Variants in TET3 observed in about 807,000 individuals in gnomAD.
TET3 encodes the protein methylcytosine dioxygenase TET3.
Under a neutral mutation model 141.4 loss-of-function variants are expected in TET3, and 19 were observed. The observed-to-expected ratio is 0.13, with a 90% CI of 0.09 to 0.20. The LOEUF is 0.20. Among genes scored for constraint, TET3 ranks in the 10% least tolerant of loss-of-function variants. TET3 has a pLI of 1.00. For missense variants in TET3, 1,874 were observed against 2,356.9 expected (o/e 0.80, Z 4.24); for synonymous variants, 1,043 against 980.9 (o/e 1.06, Z -1.18).
chr2:74,072,408 A>C (rs1440049260), intron 4 of TET3, among the ~76,000 whole-genome samples: 5 of 151,918 alleles, frequency 3.3e-5, no homozygotes, highest in Non-Finnish European at 7.4e-5. Context: ...GCTACTTGGG[A>C]GGCTGAGGCA....
At chr2:74,080,270 T>C (rs1573872752) in intron 5 of TET3, among the ~76,000 whole-genome samples, 1 of 152,214 alleles carries the variant, frequency 6.6e-6, no homozygotes, top group East Asian at 1.9e-4. Flanking sequence ...GGGGGCCCGA[T>C]GGGCGGGAGC....
At chr2:74,112,853 T>C (rs1032019917), downstream of TET3, among the ~76,000 whole-genome samples, 9 of 150,958 alleles carry the variant, frequency 6.0e-5, no homozygotes, top group Admixed American at 1.3e-4. Flanking sequence ...ATACAAAAAT[T>C]AGCTGGGCAA....
intron 5 of TET3, among the ~76,000 whole-genome samples, chr2:74,080,161 C>T (rs1392406849): frequency 6.6e-6 from 1 of 152,192 alleles, no homozygotes; most frequent in Non-Finnish European, 1.5e-5. Flanking sequence ...GGGCTGGATA[C>T]AAATGCCCAT....
At chr2:74,118,865 G>GATATATTATCT in the TET3 span, among the ~76,000 whole-genome samples, 1 of 152,146 alleles carries the variant, frequency 6.6e-6, no homozygotes, top group Non-Finnish European at 1.5e-5. Context: ...CCAGGAAACT[G>GATATATTATCT]ATATATTATC....
At position 74,046,780 on chromosome 2, in the gene TET3, G is replaced by A; in HGVS notation, c.863G>A (p.Gly288Glu). 1.9e-6 allele frequency: 3 copies of A among 1,613,544 alleles called. No homozygotes were observed. Among genetic ancestry groups the A allele is most frequent in the Non-Finnish European group, 2.5e-6 (3 of 1,179,874 alleles). ...CCTGACTACCTCGAGTGGCTGGAGG[G>A]GAAGATCAAGTCTGTGGTCATGGAA... is the stretch of plus-strand genomic sequence containing the variant. ...ECPDYLEWLE[G>E]KIKSVVMEGG... is the part of the protein sequence containing the mutation. The change falls in exon 4 of 12, where the codon GGG becomes GAG. Residue 288 changes from glycine (G) to glutamate (E), a missense_variant. Transcript: ENST00000409262. The surrounding 1 kb of genome is among the most constrained non-coding windows in gnomAD (Gnocchi z 4.3).
At chr2:74,024,594 G>A (rs1686233025) in intron 3 of TET3, among the ~76,000 whole-genome samples, 3 of 152,076 alleles carry the variant, frequency 2.0e-5, no homozygotes, top group Admixed American at 2.0e-4. Context: ...GTGGAAGGGG[G>A]ATGGGATTAA....
At chr2:74,000,052 A>G (rs1489544065) in intron 2 of TET3, among the ~76,000 whole-genome samples, 1 of 151,778 alleles carries the variant, frequency 6.6e-6, no homozygotes, top group Non-Finnish European at 1.5e-5. Context: ...TGGAGCCAGG[A>G]GTTGGGATGG....
Position 74,047,230 on chromosome 2 carries a change from G to C in TET3, c.1313G>C (p.Gly438Ala). ...TPRTEFPEAW[G>A]TDTPPATPRS... ...AGAACTGAGTTCCCTGAAGCCTGGG[G>C]CACTGACACCCCTCCAGCAACGCCC... Residue 438 changes from glycine to alanine, a missense_variant, in exon 4 of 12, where the codon GGC (glycine) becomes GCC (alanine). Gly to Ala is a moderately conservative substitution (Grantham distance 60, BLOSUM62 0). Around this residue, in one of 10 missense-constraint regions of TET3, gnomAD observed 484 missense variants for 462.2 expected, o/e 1.05. Coordinates refer to ENST00000409262, the MANE Select transcript of TET3 (RefSeq NM_001287491.2). 1 of 1,613,988 alleles carries C rather than the reference G, an allele frequency of 6.2e-7. No homozygotes were observed.
intron 4 of TET3, among the ~76,000 whole-genome samples, chr2:74,061,494 G>A (rs533911031): frequency 6.1e-5 from 9 of 148,142 alleles, no homozygotes; most frequent in African/African-American, 7.5e-5. Context: ...CTTCCCGGAC[G>A]GGGCGGCTGG....
chr2:74,080,448 C>T, intron 5 of TET3, 50 bp from the exon 6 acceptor site: 1 of 1,542,298 alleles, frequency 6.5e-7, no homozygotes, highest in Non-Finnish European at 8.9e-7. Context: ...AAAAGTTGTT[C>T]TCCTTTGGGG....
chr2:74,093,781 C>T lies in TET3; in HGVS notation c.3267+115C>T. Reference sequence around the variant, plus strand: ...GGGAGGGACCTGGAGACAGGATCCTCAGAACTCTGGAAGGTTCCCTGCAAG... The same window carrying T: ...GGGAGGGACCTGGAGACAGGATCCTTAGAACTCTGGAAGGTTCCCTGCAAG... On this transcript the variant is annotated intron_variant, in intron 10 of 11. Transcript: ENST00000409262. The surrounding 1 kb of genome is among the most constrained non-coding windows in gnomAD (Gnocchi z 4.2). The T allele has an allele frequency of 1.5e-6, 2 of 1,332,808 alleles. No individual in the cohort carries two copies. The highest frequency in any genetic ancestry group is 3.6e-5 in the South Asian group (2 of 56,074). The allele number at this position is 1,332,808 out of a possible 1,614,324, so 82.6% of individuals were successfully genotyped here.
chr2:74,075,136 C>T (rs929793890), intron 5 of TET3, among the ~76,000 whole-genome samples: 1 of 152,086 alleles, frequency 6.6e-6, no homozygotes, highest in Non-Finnish European at 1.5e-5. Flanking sequence ...TCCCAAAGTG[C>T]TGGGATTACA....
intron 5 of TET3, among the ~76,000 whole-genome samples, chr2:74,077,135 C>T (rs1005548200): frequency 6.6e-6 from 1 of 152,230 alleles, no homozygotes; most frequent in Non-Finnish European, 1.5e-5. Flanking sequence ...CAACACTGCA[C>T]TAGCAGGTTC....
At chr2:74,041,121 C>T (rs1002709021) in intron 3 of TET3, among the ~76,000 whole-genome samples, 1 of 152,100 alleles carries the variant, frequency 6.6e-6, no homozygotes, top group African/African-American at 2.4e-5. Context: ...AACTTGTTTC[C>T]TCTGGTTGTT....
chr2:74,011,824 G>A (rs1421982443), intron 3 of TET3, among the ~76,000 whole-genome samples: 1 of 151,680 alleles, frequency 6.6e-6, no homozygotes, highest in Non-Finnish European at 1.5e-5. Context: ...GATCACTTGA[G>A]GTCAGGAGTT....
At chr2:74,061,401 G>A (rs1199382516) in intron 4 of TET3, among the ~76,000 whole-genome samples, 2 of 144,906 alleles carry the variant, frequency 1.4e-5, no homozygotes, top group East Asian at 2.1e-4. Context: ...CGGACGGGGC[G>A]GCTGGCAGGG....
intron 2 of TET3, 53 bp downstream of exon 2, chr2:73,986,759 C>G: frequency 8.2e-7 from 1 of 1,226,102 alleles, no homozygotes; most frequent in Non-Finnish European, 1.0e-6. Context: ...GCACGGTGAT[C>G]ACGGGGGTCT....
the TET3 span, among the ~76,000 whole-genome samples, chr2:74,133,023 G>A: frequency 2.6e-5 from 4 of 151,302 alleles, no homozygotes; most frequent in Admixed American, 6.6e-5. Flanking sequence ...TCAGCCTCCC[G>A]AGTAGCTGGG....
At chr2:73,989,652 C>T (rs1684227506) in intron 2 of TET3, among the ~76,000 whole-genome samples, 1 of 127,476 alleles carries the variant, frequency 7.8e-6, no homozygotes, top group Non-Finnish European at 1.5e-5. Flanking sequence ...GTGACTACTT[C>T]TCTGGGTCCT....
Sources: allele counts gnomAD v4.1 joint callset (sites outside exome capture counted in the v4.1 genomes callset), GRCh38; gene constraint gnomAD v4.1.1; regional missense constraint gnomAD v4.1.1; non-coding constraint Gnocchi (gnomAD v3.1); transcripts MANE v1.5; gene names NCBI Gene and HGNC (gene_info 2026-07-23, HGNC 2026-07-21).